Variants in PTPRD observed in about 807,000 individuals in gnomAD.
PTPRD encodes protein tyrosine phosphatase receptor type D.
A neutral mutation model predicts 214.5 loss-of-function variants in PTPRD; 34 were observed. That is an observed-to-expected ratio of 0.16 (90% CI 0.12 to 0.21). The LOEUF is 0.21. PTPRD is among the 10% of genes least tolerant of loss of function. The pLI is 1.00. For synonymous variants in PTPRD, 1,128 were observed against 845.7 expected, an observed-to-expected ratio of 1.33 and a Z score of -5.79; for missense variants, 2,545 against 2,398.7, an observed-to-expected ratio of 1.06 and a Z score of -1.27.
intron 10 of PTPRD, among the ~76,000 whole-genome samples, chr9:9,144,677 T>G (rs1368724546): frequency 6.6e-6 from 1 of 151,968 alleles, no homozygotes; most frequent in African/African-American, 2.4e-5. Flanking sequence ...CACTTGAACC[T>G]GGGAGGGGGA....
chr9:8,407,879 C>T (rs1010788292), intron 35 of PTPRD, among the ~76,000 whole-genome samples: 1 of 152,176 alleles, frequency 6.6e-6, no homozygotes, highest in East Asian at 1.9e-4. Flanking sequence ...ATTTTTGGAG[C>T]TTGTCAGAAT....
intron 7 of PTPRD, among the ~76,000 whole-genome samples, chr9:9,676,755 G>C (rs1019413313): frequency 4.7e-4 from 71 of 152,198 alleles, no homozygotes; most frequent in African/African-American, 1.6e-3. Context: ...GTGTAAAAGT[G>C]TTCCTATTTC....
chr9:8,965,018 T>G (rs1003384790), intron 11 of PTPRD, among the ~76,000 whole-genome samples: 1 of 152,114 alleles, frequency 6.6e-6, no homozygotes, highest in African/African-American at 2.4e-5. Context: ...ATATATATTC[T>G]ATGGTGATGG....
intron 11 of PTPRD, chr9:8,936,139 T>G (rs1724205434): frequency 1.3e-5 from 2 of 152,134 alleles, no homozygotes; most frequent in Admixed American, 1.3e-4. Flanking sequence ...GTCCAGGTGC[T>G]GTGGCTCATG....
chr9:10,577,360 A>G (rs1473460615), intron 2 of PTPRD, among the ~76,000 whole-genome samples: 2 of 152,204 alleles, frequency 1.3e-5, no homozygotes, highest in Non-Finnish European at 2.9e-5. Context: ...TGAGCTATTG[A>G]TCATTCATAT....
chr9:9,093,611 G>A (rs1442171164), intron 10 of PTPRD, among the ~76,000 whole-genome samples: 1 of 151,094 alleles, frequency 6.6e-6, no homozygotes, highest in African/African-American at 2.4e-5. Flanking sequence ...AGTCACATGG[G>A]AAATTATAAG....
In PTPRD at chr9:8,648,755, A is replaced by G. The variant is rs147284228; in HGVS notation, c.65-11911T>C. 5.6e-4 allele frequency among the ~76,000 whole-genome samples: 86 copies of G among 152,286 alleles called. 2 individuals carry two copies. The East Asian group carries it at 0.014, about 25-fold the overall frequency. On this transcript the variant is annotated intron_variant, in intron 12 of 45. Transcript: ENST00000381196. The stretch of plus-strand genomic sequence containing the variant: ...CACAATGCTTATCAGCTTTTTTCAT[A>G]TTTCCTTTAAGTGGTAACATACTCA...
chr9:9,079,618 C>G (rs2099756197), intron 10 of PTPRD, among the ~76,000 whole-genome samples: 1 of 152,002 alleles, frequency 6.6e-6, no homozygotes, highest in African/African-American at 2.4e-5. Flanking sequence ...GGACTGGGGC[C>G]TCTGAGTCCC....
intron 14 of PTPRD, among the ~76,000 whole-genome samples, chr9:8,627,649 G>A (rs939147639): frequency 7.9e-5 from 12 of 151,826 alleles, no homozygotes; most frequent in African/African-American, 2.9e-4. Flanking sequence ...TTCCAAGGAA[G>A]GAGCATGCAT....
chr9:9,756,452 C>G (rs1423541652), intron 6 of PTPRD, among the ~76,000 whole-genome samples: 1 of 152,018 alleles, frequency 6.6e-6, no homozygotes, highest in African/African-American at 2.4e-5. Context: ...TGAATTCTTA[C>G]AACCACCATA....
intron 11 of PTPRD, among the ~76,000 whole-genome samples, chr9:9,005,913 C>T (rs2099462163): frequency 6.6e-6 from 1 of 151,874 alleles, no homozygotes. Context: ...AAAAATAAAG[C>T]CATATATGTG....
Position 10,193,034 on chromosome 9 carries a change from T to C in PTPRD, c.-545+147929A>G, listed in dbSNP as rs139700765. Among the ~76,000 whole-genome samples, 11 of 152,264 alleles carry C rather than the reference T, an allele frequency of 7.2e-5. No individual in the cohort carries two copies. The East Asian group carries it at 1.9e-3, about 27-fold the overall frequency. ...AAAATCCAAATTTCCCTTATTACAG[T>C]ATAGGCCAATTTTGTTTCTTCTTCA... is the stretch of plus-strand genomic sequence containing the variant. On this transcript the variant is annotated intron_variant, in intron 3 of 45. Coordinates refer to ENST00000381196, the MANE Select transcript of PTPRD (RefSeq NM_002839.4).
chr9:10,121,262 G>A (rs1050471942), intron 3 of PTPRD, among the ~76,000 whole-genome samples: 1 of 152,068 alleles, frequency 6.6e-6, no homozygotes, highest in African/African-American at 2.4e-5. Context: ...GTAATTGGAG[G>A]GAAATGGTAG....
chr9:8,683,410 A>G (rs1247006408), intron 12 of PTPRD, among the ~76,000 whole-genome samples: 3 of 151,766 alleles, frequency 2.0e-5, no homozygotes, highest in South Asian at 2.1e-4. Flanking sequence ...AAGTGTATAC[A>G]TAAGTGAGAG....
intron 7 of PTPRD, among the ~76,000 whole-genome samples, chr9:9,588,666 G>A (rs2092370752): frequency 6.6e-6 from 1 of 151,992 alleles, no homozygotes; most frequent in Admixed American, 6.6e-5. Flanking sequence ...TGTTTATGAA[G>A]GTTGGCAATT....
intron 8 of PTPRD, among the ~76,000 whole-genome samples, chr9:9,559,087 G>A (rs751646577): frequency 5.9e-5 from 9 of 152,178 alleles, no homozygotes; most frequent in African/African-American, 9.7e-5. Flanking sequence ...TAAGTCATCT[G>A]AATGATGACT....
intron 11 of PTPRD, among the ~76,000 whole-genome samples, chr9:8,761,151 C>A (rs772998321): frequency 6.6e-6 from 1 of 151,992 alleles, no homozygotes; most frequent in Admixed American, 6.6e-5. Flanking sequence ...TATAAATGAT[C>A]TAAAAGATAA....
intron 3 of PTPRD, among the ~76,000 whole-genome samples, chr9:10,191,463 G>A (rs909264131): frequency 6.6e-6 from 1 of 152,062 alleles, no homozygotes; most frequent in African/African-American, 2.4e-5. Flanking sequence ...TTGAAAGAAG[G>A]AATTGTAAGG....
intron 3 of PTPRD, among the ~76,000 whole-genome samples, chr9:10,257,474 A>G (rs924997093): frequency 1.3e-5 from 2 of 152,226 alleles, no homozygotes; most frequent in Non-Finnish European, 1.5e-5. Context: ...GCCAGGAGGT[A>G]AACAGTATGC....
Sources: gnomAD v4.1 joint callset for allele counts (sites outside exome capture counted in the v4.1 genomes callset) on GRCh38, gnomAD v4.1.1 for gene constraint, MANE v1.5 for transcripts, NCBI Gene and HGNC (gene_info 2026-07-23, HGNC 2026-07-21) for gene names.